The following APBB2 variants were observed in gnomAD, a reference collection of about 807,000 sequenced individuals.
The protein encoded by APBB2 is Fe65-like 1.
A neutral mutation model predicts 82.5 loss-of-function variants in APBB2; 38 were observed. The observed-to-expected ratio is 0.46, with a 90% CI of 0.36 to 0.60. APBB2 has a LOEUF of 0.60. APBB2 is among the 20% of genes least tolerant of loss of function. The pLI is 0.00. For missense variants in APBB2, 772 were observed against 972.3 expected, an observed-to-expected ratio of 0.79 and a Z score of 2.74; for synonymous variants, 341 against 368.2, an observed-to-expected ratio of 0.93 and a Z score of 0.85.
At chr4:41,140,806 T>C (rs982995502) in intron 2 of APBB2, among the ~76,000 whole-genome samples, 4 of 152,188 alleles carry the variant, frequency 2.6e-5, no homozygotes, top group Non-Finnish European at 4.4e-5. Context: ...GGGATCTAGG[T>C]TGCATGCTTC....
intron 2 of APBB2, among the ~76,000 whole-genome samples, chr4:41,140,723 T>C (rs1033023348): frequency 4.6e-5 from 7 of 152,234 alleles, no homozygotes; most frequent in Non-Finnish European, 8.8e-5. Flanking sequence ...TCCTGGGCTC[T>C]GCCCCCTGAC....
intron 1 of APBB2, among the ~76,000 whole-genome samples, chr4:41,155,662 G>C (rs1314021807): frequency 6.6e-6 from 1 of 152,226 alleles, no homozygotes; most frequent in African/African-American, 2.4e-5. Context: ...TACCCGTCAA[G>C]CATGCAGGAA....
chr4:41,057,727 C>T (rs1217458278), intron 4 of APBB2, among the ~76,000 whole-genome samples: 1 of 152,158 alleles, frequency 6.6e-6, no homozygotes, highest in African/African-American at 2.4e-5. Context: ...GTCCAAGAAC[C>T]TGGAAAAATA....
chr4:40,917,970 G>T (rs756528589), intron 10 of APBB2, among the ~76,000 whole-genome samples: 1 of 152,162 alleles, frequency 6.6e-6, no homozygotes, highest in South Asian at 2.1e-4. Context: ...CTGTATCTAG[G>T]TTATAATTCC....
intron 10 of APBB2, among the ~76,000 whole-genome samples, chr4:40,911,012 C>T (rs1394465570): frequency 6.6e-6 from 1 of 152,258 alleles, no homozygotes; most frequent in East Asian, 1.9e-4. Context: ...TGAATCTCAG[C>T]TCCCTACTTA....
chr4:40,819,492 A>G (rs990630400), intron 17 of APBB2, among the ~76,000 whole-genome samples: 1 of 150,996 alleles, frequency 6.6e-6, no homozygotes, highest in Non-Finnish European at 1.5e-5. Flanking sequence ...AGCCTCCTCC[A>G]CTCTTTATCT....
At chr4:41,047,481 T>C (rs1189270647) in intron 4 of APBB2, among the ~76,000 whole-genome samples, 2 of 152,258 alleles carry the variant, frequency 1.3e-5, no homozygotes, top group Non-Finnish European at 2.9e-5. Flanking sequence ...ATATTAAGTA[T>C]CTAACATTTG....
intron 3 of APBB2, among the ~76,000 whole-genome samples, chr4:41,085,347 G>C (rs1174924564): frequency 6.6e-6 from 1 of 152,026 alleles, no homozygotes; most frequent in Non-Finnish European, 1.5e-5. Context: ...TTTTACATGG[G>C]GGTATAGGGT....
chr4:41,159,966 GAAGAAGA>G (rs1764581956), intron 1 of APBB2, among the ~76,000 whole-genome samples: 18 of 87,126 alleles, frequency 2.1e-4, no homozygotes, highest in Non-Finnish European at 3.6e-4. Flanking sequence ...AGAAGGAGAA[GAAGAAGA>G]AGAAGAAGAA....
At chr4:41,211,009 C>T (rs1178179743) in intron 1 of APBB2, among the ~76,000 whole-genome samples, 3 of 152,156 alleles carry the variant, frequency 2.0e-5, no homozygotes, top group African/African-American at 4.8e-5. Context: ...AATCCCAGCA[C>T]TTTGGGAGAC....
At chr4:40,834,644 C>T (rs1445041903) in intron 12 of APBB2, among the ~76,000 whole-genome samples, 1 of 152,122 alleles carries the variant, frequency 6.6e-6, no homozygotes, top group African/African-American at 2.4e-5. Flanking sequence ...GGGGATGTTA[C>T]TCTGGACTAT....
chr4:41,165,102 A>G (rs548024667), intron 1 of APBB2, among the ~76,000 whole-genome samples: 2 of 152,334 alleles, frequency 1.3e-5, no homozygotes, highest in Admixed American at 6.5e-5. Flanking sequence ...CGATTATTTT[A>G]TATTTTATTT....
intron 2 of APBB2, among the ~76,000 whole-genome samples, chr4:41,136,602 G>C (rs377133418): frequency 6.6e-6 from 1 of 152,156 alleles, no homozygotes; most frequent in East Asian, 1.9e-4. Flanking sequence ...GCAGGAAGCA[G>C]ATAAGCCATC....
intron 4 of APBB2, among the ~76,000 whole-genome samples, chr4:41,040,195 C>T (rs78737159): frequency 0.02 from 3,057 of 152,148 alleles, 119 homozygotes; most frequent in African/African-American, 0.069. Flanking sequence ...TGCTTGCTCT[C>T]GAAAATCTAC....
chr4:40,993,973 C>T (rs995497657), intron 6 of APBB2, among the ~76,000 whole-genome samples: 2 of 152,010 alleles, frequency 1.3e-5, no homozygotes, highest in Admixed American at 6.6e-5. Flanking sequence ...ACAGGTAGGG[C>T]CCAGGTATCT....
Position 40,948,342 on chromosome 4 carries a change from A to G in APBB2, c.836-3269T>C, listed in dbSNP as rs530442371. On this transcript the variant is annotated intron_variant, in intron 6 of 17. Coordinates refer to ENST00000508593, the MANE Select transcript of APBB2 (RefSeq NM_004307.2). Reference sequence around the variant, plus strand: ...TTCATGCCTGTAATCCCAGCACTCTAGGAAGCTGAGGCAGACAGACTGCTT... The same window carrying G: ...TTCATGCCTGTAATCCCAGCACTCTGGGAAGCTGAGGCAGACAGACTGCTT... Among the ~76,000 whole-genome samples, 56 of 152,208 alleles carry G rather than the reference A, an allele frequency of 3.7e-4. 1 individual carries two copies. Among genetic ancestry groups the G allele is most frequent in the Admixed American group, 3.0e-3 (46 of 15,284 alleles).
rs1231117665 is a variant in APBB2 at position 40,833,000 on chromosome 4, A to G, written c.1530-2423T>C. ...CACTGGGCCGAGACTTTGAGGGGTG[A>G]GCACAGTCTTCTCCACACTGTGGCC... On this transcript the variant is annotated intron_variant, in intron 12 of 17. Transcript: ENST00000508593. The surrounding 1 kb of genome is among the most constrained non-coding windows in gnomAD (Gnocchi z 4.8). Among the ~76,000 whole-genome samples, 1 of 152,128 alleles carries G rather than the reference A, an allele frequency of 6.6e-6. No homozygotes were observed. Among genetic ancestry groups the G allele is most frequent in the Non-Finnish European group, 1.5e-5 (1 of 68,016 alleles).
chr4:41,057,923 C>T (rs1341164143), intron 4 of APBB2, among the ~76,000 whole-genome samples: 2 of 152,190 alleles, frequency 1.3e-5, no homozygotes, highest in Non-Finnish European at 2.9e-5. Flanking sequence ...ACATTCTTCT[C>T]ATCTTTTTCA....
chr4:41,138,438 A>G (rs1243112169), intron 2 of APBB2, among the ~76,000 whole-genome samples: 1 of 152,204 alleles, frequency 6.6e-6, no homozygotes, highest in Non-Finnish European at 1.5e-5. Context: ...ACACCATTAA[A>G]CAAGCCAGAG....
Sources: gnomAD v4.1 joint callset for allele counts (sites outside exome capture counted in the v4.1 genomes callset) on GRCh38, gnomAD v4.1.1 for gene constraint, Gnocchi (gnomAD v3.1) non-coding constraint, MANE v1.5 for transcripts, NCBI Gene and HGNC (gene_info 2026-07-23, HGNC 2026-07-21) for gene names.